The following AK8 variants were observed in gnomAD, a reference collection of about 807,000 sequenced individuals.
The protein encoded by AK8 is ATP-AMP transphosphorylase 8.
AK8 carries 44 observed loss-of-function variants against 54.6 expected under a neutral mutation model. That is an observed-to-expected ratio of 0.81 (90% CI 0.63 to 1.04). AK8 has a LOEUF of 1.04. Ranked by LOEUF, AK8 falls within the 50% of genes least tolerant of loss-of-function variation. The probability of loss-of-function intolerance (pLI) is 0.00; values close to 1 mark genes in which losing one functional copy is unlikely to be tolerated. For synonymous variants in AK8, 239 were observed against 245.6 expected, an observed-to-expected ratio of 0.97 and a Z score of 0.25; for missense variants, 555 against 613.6, an observed-to-expected ratio of 0.90 and a Z score of 1.01.
intron 10 of AK8, among the ~76,000 whole-genome samples, chr9:132,793,082 A>C (rs116808092): frequency 1.3e-5 from 2 of 152,088 alleles, no homozygotes; most frequent in Non-Finnish European, 2.9e-5. Flanking sequence ...GTCTTAGTCC[A>C]TTTGGGCTGC....
intron 5 of AK8, among the ~76,000 whole-genome samples, chr9:132,836,336 T>C (rs74814559): frequency 0.015 from 2,208 of 152,270 alleles, 20 homozygotes; most frequent in Middle Eastern, 0.031. Flanking sequence ...AACAAAGAAA[T>C]GACCCAAAGT....
chr9:132,838,717 G>A (rs1043144800), intron 5 of AK8, among the ~76,000 whole-genome samples: 2 of 152,146 alleles, frequency 1.3e-5, no homozygotes, highest in South Asian at 2.1e-4. Flanking sequence ...GGCCTCATCC[G>A]TAGAATGACA....
At chr9:132,793,271 A>AG (rs1476178120) in intron 10 of AK8, among the ~76,000 whole-genome samples, 2 of 152,130 alleles carry the variant, frequency 1.3e-5, no homozygotes, top group Non-Finnish European at 2.9e-5. Context: ...CCCATCCACA[A>AG]GGGCCCCTGC....
intron 9 of AK8, among the ~76,000 whole-genome samples, chr9:132,818,430 GAAGT>G (rs1004830545): frequency 1.2e-4 from 19 of 152,300 alleles, no homozygotes; most frequent in African/African-American, 4.1e-4. Flanking sequence ...CAACTGTAAA[GAAGT>G]AAGGTAAATG....
Position 132,878,137 on chromosome 9 carries a change from C to A in AK8, c.84+35G>T, listed in dbSNP as rs1844228400. 1 of 1,534,038 alleles carries A rather than the reference C, an allele frequency of 6.5e-7. No individual in the cohort carries two copies. Among genetic ancestry groups the A allele is most frequent in the African/African-American group, 1.4e-5 (1 of 71,482 alleles). ...GTCGCAGTGGAGGCTCCCGAGCCGC[C>A]GCCAGCGTCGCGACGGGCAGGGGTG... On this transcript the variant is annotated intron_variant, in intron 1 of 12. Transcript: ENST00000298545. This position sits in a 1 kb window ranked among gnomAD's most constrained non-coding sequence, Gnocchi z 4.7.
Position 132,823,238 on chromosome 9 carries a change from C to T in AK8, c.856G>A (p.Ala286Thr), listed in dbSNP as rs1164208906. 25 of 1,599,758 alleles carry T rather than the reference C, an allele frequency of 1.6e-5. No individual in the cohort carries two copies. The highest frequency in any genetic ancestry group is 5.2e-5 in the Admixed American group (3 of 57,812). The change falls in exon 9 of 13, where the codon GCC (alanine) becomes ACC (threonine). Residue 286 changes from alanine to threonine, a missense_variant. Physicochemically the swap from Ala to Thr is moderately conservative, Grantham distance 58 (BLOSUM62 0). Transcript: ENST00000298545. ...PVGSGKSLQAALLAQKYRLVN... is the reference protein window; with the variant it reads ...PVGSGKSLQATLLAQKYRLVN... ...AGCCTGTATTTCTGGGCCAGGAGGG[C>T]GGCCTGCAGACTTTTCCCACTGCCC...
chr9:132,754,338 T>C (rs1228833410), intron 11 of AK8, among the ~76,000 whole-genome samples: 3 of 152,184 alleles, frequency 2.0e-5, no homozygotes. Context: ...GGACCCATGA[T>C]GGAGCCAAAT....
intron 5 of AK8, among the ~76,000 whole-genome samples, chr9:132,849,224 T>C (rs1289420187): frequency 1.3e-5 from 2 of 152,066 alleles, no homozygotes; most frequent in Non-Finnish European, 2.9e-5. Flanking sequence ...TTGCTTTTTA[T>C]TGAGAGCTCA....
At position 132,873,119 on chromosome 9, in the gene AK8, C is replaced by T. The variant is rs578174017; in HGVS notation, c.169+1996G>A. Among the ~76,000 whole-genome samples, 10 of 152,208 alleles carry T rather than the reference C, an allele frequency of 6.6e-5. No homozygotes were observed. The East Asian group carries it at 1.5e-3, about 24-fold the overall frequency. On this transcript the variant is annotated intron_variant, in intron 2 of 12. Coordinates refer to ENST00000298545, the MANE Select transcript of AK8 (RefSeq NM_152572.3). ...TGAGCCACCGCACCCAGCCAATTTT[C>T]GTATTTTTAGTAGAGATGGGGTTTT...
intron 12 of AK8, among the ~76,000 whole-genome samples, chr9:132,726,828 T>A (rs1293328444): frequency 6.6e-6 from 1 of 151,962 alleles, no homozygotes; most frequent in Non-Finnish European, 1.5e-5. Context: ...AAAACTCCCA[T>A]GACAAATCAG....
chr9:132,742,227 T>G (rs968557368), intron 11 of AK8, among the ~76,000 whole-genome samples: 2 of 147,852 alleles, frequency 1.4e-5, no homozygotes, highest in South Asian at 4.3e-4. Context: ...CAGGCTGGAG[T>G]GTAATGACAC....
At chr9:132,801,550 A>C (rs1163132677) in intron 10 of AK8, among the ~76,000 whole-genome samples, 1 of 152,182 alleles carries the variant, frequency 6.6e-6, no homozygotes, top group Non-Finnish European at 1.5e-5. Flanking sequence ...TTTTCCTTCC[A>C]TTTTAATGAA....
At chr9:132,800,741 A>G (rs1840406329) in intron 10 of AK8, among the ~76,000 whole-genome samples, 1 of 152,136 alleles carries the variant, frequency 6.6e-6, no homozygotes, top group Non-Finnish European at 1.5e-5. Flanking sequence ...GGTGCCCTGC[A>G]GACTAGGAGG....
chr9:132,826,925 AC>A lies in AK8; in HGVS notation c.685del (p.Val229SerfsTer26). On this transcript the variant is annotated frameshift_variant, in exon 8 of 13. Coordinates refer to ENST00000298545, the MANE Select transcript of AK8 (RefSeq NM_152572.3). LOFTEE classifies it high-confidence loss of function. The surrounding 1 kb of genome is among the most constrained non-coding windows in gnomAD (Gnocchi z 4.5). Reference protein sequence around the residue: ...LLEYHRNIVRVIPSYPKILKV... With the variant: ...LLEYHRNIVRXIPSYPKILKV... Reference sequence around the variant, plus strand: ...GAGGATTTTGGGGTAGGAGGGAATGACCCTGACGATGTTCCTATGATACTCC... The same window carrying A: ...GAGGATTTTGGGGTAGGAGGGAATGACCTGACGATGTTCCTATGATACTCC... 2 of 1,614,154 alleles carry A rather than the reference AC, an allele frequency of 1.2e-6. No homozygotes were observed. The highest frequency in any genetic ancestry group is 1.7e-6 in the Non-Finnish European group (2 of 1,180,030).
At chr9:132,830,508 T>G (rs1842062958) in intron 5 of AK8, among the ~76,000 whole-genome samples, 1 of 152,234 alleles carries the variant, frequency 6.6e-6, no homozygotes, top group African/African-American at 2.4e-5. Context: ...CTTTGATCAT[T>G]AATGAGGTTC....
At chr9:132,821,355 G>A (rs548786931) in intron 9 of AK8, among the ~76,000 whole-genome samples, 6 of 152,020 alleles carry the variant, frequency 3.9e-5, no homozygotes, top group Admixed American at 6.6e-5. Context: ...GCTGGTCATC[G>A]GAACAAAGAA....
chr9:132,805,991 C>G (rs1588150788), intron 10 of AK8, among the ~76,000 whole-genome samples: 1 of 151,812 alleles, frequency 6.6e-6, no homozygotes, highest in South Asian at 2.1e-4. Context: ...AGCGGGGGCT[C>G]TGGGTTGGGG....
rs148221806 is a variant in AK8, at chr9:132,775,406, G to A, written c.1121+17228C>T. On this transcript the variant is annotated intron_variant, in intron 11 of 12. Transcript: ENST00000298545. ...CAATTTCCACCTCCTGGATTCAAGCGATTCTCCTGCCTCAGCCTCCCAAGT... is the reference window on the plus strand; with the variant it reads ...CAATTTCCACCTCCTGGATTCAAGCAATTCTCCTGCCTCAGCCTCCCAAGT... Among the ~76,000 whole-genome samples the A allele has an allele frequency of 3.4e-3, 524 of 152,206 alleles. 2 individuals are homozygous for A. Among genetic ancestry groups the A allele is most frequent in the African/African-American group, 0.012 (497 of 41,542 alleles).
chr9:132,875,322 C>A (rs919108635), intron 1 of AK8, 123 bp from the exon 2 acceptor site: 468 of 1,490,658 alleles, frequency 3.1e-4, no homozygotes, highest in Non-Finnish European at 3.3e-4. Flanking sequence ...CAACCTGGGA[C>A]CCAGCCACCG....
Sources: gnomAD v4.1 joint callset for allele counts (sites outside exome capture counted in the v4.1 genomes callset) on GRCh38, gnomAD v4.1.1 for gene constraint, Gnocchi (gnomAD v3.1) non-coding constraint, MANE v1.5 for transcripts, NCBI Gene and HGNC (gene_info 2026-07-23, HGNC 2026-07-21) for gene names.